Variants in TBCE observed in about 807,000 individuals in gnomAD.
The protein encoded by TBCE is tubulin folding cofactor E, also known as tubulin-specific chaperone E.
TBCE carries 53 observed loss-of-function variants against 77.0 expected under a neutral mutation model. That is an observed-to-expected ratio of 0.69 (90% CI 0.55 to 0.87). The LOEUF (loss-of-function observed/expected upper bound fraction) is 0.87, where lower values mean the gene tolerates loss of function less well. TBCE is among the 40% of genes least tolerant of loss of function. The probability of loss-of-function intolerance (pLI) is 0.00; values close to 1 mark genes in which losing one functional copy is unlikely to be tolerated. For missense variants in TBCE, 624 were observed against 622.4 expected, an observed-to-expected ratio of 1.00 and a Z score of -0.03; for synonymous variants, 235 against 241.3, an observed-to-expected ratio of 0.97 and a Z score of 0.24.
chr1:235,425,877 C>T (rs1261029650), intron 5 of TBCE, among the ~76,000 whole-genome samples: 1 of 152,112 alleles, frequency 6.6e-6, no homozygotes, highest in Non-Finnish European at 1.5e-5. Context: ...AGGAGGTGGT[C>T]TTCCCTGGGC....
intron 5 of TBCE, among the ~76,000 whole-genome samples, chr1:235,420,283 T>A (rs1680324644): frequency 6.6e-6 from 1 of 151,606 alleles, no homozygotes; most frequent in African/African-American, 2.4e-5. Context: ...CTAAGATGAA[T>A]CTGCTTCAGC....
rs947844598 is a variant in TBCE, at chr1:235,451,713, C to T, written c.*2951C>T. ...ACTGAGAGCTGCTCTGGGACCCCAGCTCTATGCAGGGCTTCTAACTGACAG... is the reference window on the plus strand; with the variant it reads ...ACTGAGAGCTGCTCTGGGACCCCAGTTCTATGCAGGGCTTCTAACTGACAG... On this transcript the variant is annotated 3_prime_UTR_variant, in exon 17 of 17. Coordinates refer to ENST00000642610, the MANE Select transcript of TBCE (RefSeq NM_003193.5). The T allele has an allele frequency of 6.6e-6, 1 of 152,224 alleles. No homozygotes were observed. The highest frequency in any genetic ancestry group is 2.4e-5 in the African/African-American group (1 of 41,452). 9.4% of individuals were successfully genotyped at this position (152,224 alleles called of 1,614,324 possible).
intron 2 of TBCE, among the ~76,000 whole-genome samples, chr1:235,388,283 C>CTTTTTTTTTTTTTTTTT (rs908940784): frequency 8.5e-6 from 1 of 117,334 alleles, no homozygotes; most frequent in African/African-American, 3.3e-5. Flanking sequence ...TCTGTTACTT[C>CTTTTTTTTTTTTTTTTT]TTTTTTTTTT....
rs1310509339 is a variant in TBCE, at chr1:235,442,868, C to A, written c.1356C>A (p.Tyr452Ter). Reference protein sequence around the residue: ...KNQLLTLKIKYPHQLDQKVLE... With the variant: ...KNQLLTLKIK ...CTCTTAAAGCACTGAAGATAAAATA[C>A]CCTCATCAACTTGATCAGAAAGTCC... Residue 452 changes from tyrosine (Y) to a stop codon, truncating the protein, a stop_gained, in exon 15 of 17, where the codon TAC becomes TAA. Coordinates refer to ENST00000642610, the MANE Select transcript of TBCE (RefSeq NM_003193.5). LOFTEE classifies it high-confidence loss of function. The A allele has an allele frequency of 1.2e-6, 2 of 1,613,772 alleles. No individual in the cohort carries two copies. The highest frequency in any genetic ancestry group is 1.3e-5 in the African/African-American group (1 of 74,852).
rs201486258 is a variant in TBCE, at chr1:235,437,450, G to A, written c.1092G>A (p.Gln364=). The change falls in exon 12 of 17, where the codon CAG becomes CAA. Residue 364 remains glutamine (Q), a synonymous_variant. Transcript: ENST00000642610. ...ARLLIIASIG[Q]LKTLNKCEIL... The stretch of plus-strand genomic sequence containing the variant: ...TACTCATTATCGCCAGCATTGGCCA[G>A]CTGAAGACGCTGAACAAATGTGAGG... The A allele has an allele frequency of 6.2e-7, 1 of 1,614,108 alleles. No individual in the cohort carries two copies. Among genetic ancestry groups the A allele is most frequent in the East Asian group, 2.2e-5 (1 of 44,884 alleles).
chr1:235,392,515 A>G (rs567588262), intron 2 of TBCE, among the ~76,000 whole-genome samples: 8 of 150,078 alleles, frequency 5.3e-5, no homozygotes, highest in South Asian at 2.1e-4. Context: ...GATTCAAGCA[A>G]TTCTCCTGCC....
chr1:235,413,981 A>G (rs1031636749), intron 3 of TBCE: 6 of 184,146 alleles, frequency 3.3e-5, no homozygotes, highest in Admixed American at 5.7e-5. Context: ...TAGCCTCCCT[A>G]GTAGCTGGGA....
chr1:235,397,075 A>G (rs1397398823), intron 2 of TBCE, among the ~76,000 whole-genome samples: 2 of 151,642 alleles, frequency 1.3e-5, no homozygotes, highest in African/African-American at 2.4e-5. Flanking sequence ...CCCTGGCTCA[A>G]GCGATTCTTT....
Position 235,438,917 on chromosome 1 carries a change from G to A in TBCE, c.1265G>A (p.Cys422Tyr). 6.2e-7 allele frequency: 1 copy of A among 1,614,144 alleles called. No individual in the cohort carries two copies. The change falls in exon 13 of 17, where the codon TGC becomes TAC. Residue 422 changes from cysteine (C) to tyrosine (Y), a missense_variant. By Grantham distance (194) the Cys-to-Tyr change is radical. Transcript: ENST00000642610. Reference protein sequence around the residue: ...LTAHPRYQFLCLKYGAPEDWE... With the variant: ...LTAHPRYQFLYLKYGAPEDWE... ...GCCCATCCCAGATACCAGTTCCTCT[G>A]CCTGAGTACGTGCGTATACACTGGT... is the stretch of plus-strand genomic sequence containing the variant.
chr1:235,431,179 GA>G (rs1429105304), intron 7 of TBCE, among the ~76,000 whole-genome samples: 1 of 152,244 alleles, frequency 6.6e-6, no homozygotes, highest in African/African-American at 2.4e-5. Context: ...CCAAGCAGCA[GA>G]AAGGTTCTCA....
At chr1:235,370,866 T>C (rs1572298070) in intron 1 of TBCE, among the ~76,000 whole-genome samples, 1 of 149,066 alleles carries the variant, frequency 6.7e-6, no homozygotes, top group Admixed American at 6.7e-5. Context: ...CTCAGTCTCC[T>C]GAGTAGCTGG....
At chr1:235,382,727 A>G (rs1323272768) in intron 2 of TBCE, among the ~76,000 whole-genome samples, 1 of 148,798 alleles carries the variant, frequency 6.7e-6, no homozygotes, top group Admixed American at 6.8e-5. Flanking sequence ...CCTTTGTCAG[A>G]TGAGTAGGTT....
intron 2 of TBCE, among the ~76,000 whole-genome samples, chr1:235,393,327 A>G (rs1483981561): frequency 6.6e-6 from 1 of 152,192 alleles, no homozygotes; most frequent in Non-Finnish European, 1.5e-5. Flanking sequence ...TCACAAGGTC[A>G]GGAGATCGAG....
chr1:235,432,913 G>C (rs1375493851), intron 7 of TBCE: 8 of 948,456 alleles, frequency 8.4e-6, no homozygotes, highest in Non-Finnish European at 1.1e-5. Flanking sequence ...ATAATTTTTT[G>C]TAATTTTTTT....
rs531721875 is a variant in TBCE at position 235,450,562 on chromosome 1, G to C, written c.*1800G>C. 2 of 503,990 alleles carry C rather than the reference G, an allele frequency of 4.0e-6. No homozygotes were observed. Among genetic ancestry groups the C allele is most frequent in the Admixed American group, 6.7e-5 (2 of 29,802 alleles). 31.2% of individuals were successfully genotyped at this position (503,990 alleles called of 1,614,324 possible). ...TGGCTGTGGAATACAGAAACAAGGC[G>C]GTGTGTGGATGAAGAGTTAGTCAAC... On this transcript the variant is annotated 3_prime_UTR_variant, in exon 17 of 17. Transcript: ENST00000642610.
At position 235,452,355 on chromosome 1, in the gene TBCE, T is replaced by A. The variant is rs957441497; in HGVS notation, c.*3593T>A. ...TTTTTGTAGGCAGGGGAACGTTGAT[T>A]TATAACCTTTTGCTTTAAACTCAGA... On this transcript the variant is annotated 3_prime_UTR_variant, in exon 17 of 17. Transcript: ENST00000642610. 2.0e-5 allele frequency: 3 copies of A among 152,166 alleles called. No individual in the cohort carries two copies. The highest frequency in any genetic ancestry group is 4.4e-5 in the Non-Finnish European group (3 of 68,042). 9.4% of individuals were successfully genotyped at this position (152,166 alleles called of 1,614,324 possible).
intron 13 of TBCE, 57 bp from the exon 14 acceptor site, chr1:235,441,757 G>GTTTTTTTTTTTTTTTTTTTTT (rs1681891004): frequency 6.6e-7 from 1 of 1,517,446 alleles, no homozygotes; most frequent in African/African-American, 1.4e-5. Context: ...TGTTTGTTTT[G>GTTTTTTTTTTTTTTTTTTTTT]TTTTTACTTA....
chr1:235,422,031 C>T (rs1572403705), intron 5 of TBCE, among the ~76,000 whole-genome samples: 2 of 152,208 alleles, frequency 1.3e-5, no homozygotes, highest in Admixed American at 6.5e-5. Context: ...CTCTGCCAGT[C>T]TCTGCCCCTG....
chr1:235,435,889 G>A (rs761619502), intron 9 of TBCE, 49 bp downstream of exon 9: 2 of 1,515,496 alleles, frequency 1.3e-6, no homozygotes, highest in Admixed American at 3.3e-5. Flanking sequence ...TCAATTCTTA[G>A]TGAAGCAGTT....
Sources: gnomAD v4.1 joint callset for allele counts (sites outside exome capture counted in the v4.1 genomes callset) on GRCh38, gnomAD v4.1.1 for gene constraint, MANE v1.5 for transcripts, NCBI Gene and HGNC (gene_info 2026-07-23, HGNC 2026-07-21) for gene names.